The following SIPA1L2 variants were observed in gnomAD, a reference collection of about 807,000 sequenced individuals.
SIPA1L2 encodes the protein signal induced proliferation associated 1 like 2.
A neutral mutation model predicts 163.9 loss-of-function variants in SIPA1L2; 56 were observed. The observed-to-expected ratio is 0.34, with a 90% confidence interval of 0.28 to 0.43. The LOEUF (loss-of-function observed/expected upper bound fraction) is 0.43, where lower values mean the gene tolerates loss of function less well. Ranked by LOEUF, SIPA1L2 falls within the 20% of genes least tolerant of loss-of-function variation. The pLI is 1.00. For synonymous variants in SIPA1L2, 877 were observed against 865.7 expected, an observed-to-expected ratio of 1.01 and a Z score of -0.23; for missense variants, 1,974 against 2,193.5, an observed-to-expected ratio of 0.90 and a Z score of 2.00.
Position 232,585,030 on chromosome 1 carries a change from T to G in SIPA1L2, c.-318-10808A>C, listed in dbSNP as rs376312450. Among the ~76,000 whole-genome samples the G allele has an allele frequency of 5.9e-5, 9 of 152,316 alleles. 1 individual carries two copies. In the East Asian group the frequency reaches 1.5e-3, roughly 26 times the overall value. On this transcript the variant is annotated intron_variant, in intron 1 of 22. Coordinates refer to ENST00000674635, the MANE Select transcript of SIPA1L2 (RefSeq NM_020808.5). ...CCCCCATTACTTCACAGTGTTCAGA[T>G]TTAAACCATTATATATCTCCTCAAT...
chr1:232,532,857 T>A (rs1290098138), intron 2 of SIPA1L2, among the ~76,000 whole-genome samples: 1 of 152,196 alleles, frequency 6.6e-6, no homozygotes, highest in African/African-American at 2.4e-5. Context: ...ATGAGATGCC[T>A]ACCTCTACTG....
chr1:232,550,977 A>C (rs1368609481), intron 2 of SIPA1L2, among the ~76,000 whole-genome samples: 1 of 152,172 alleles, frequency 6.6e-6, no homozygotes, highest in African/African-American at 2.4e-5. Flanking sequence ...GTGAGGAGAC[A>C]GGTAAAGACC....
At chr1:232,474,401 T>C (rs1467104390) in intron 7 of SIPA1L2, among the ~76,000 whole-genome samples, 1 of 152,230 alleles carries the variant, frequency 6.6e-6, no homozygotes, top group Non-Finnish European at 1.5e-5. Flanking sequence ...CCCAATTCCA[T>C]GGCAAAAGCA....
At chr1:232,526,010 A>T (rs1167651149) in intron 2 of SIPA1L2, among the ~76,000 whole-genome samples, 1 of 152,206 alleles carries the variant, frequency 6.6e-6, no homozygotes, top group Non-Finnish European at 1.5e-5. Flanking sequence ...AGGAAGGCAA[A>T]TCAGGAAGTG....
At chr1:232,485,754 T>C (rs1178578153) in intron 5 of SIPA1L2, among the ~76,000 whole-genome samples, 2 of 152,192 alleles carry the variant, frequency 1.3e-5, no homozygotes, top group Non-Finnish European at 2.9e-5. Context: ...ACAACGATGT[T>C]AGTTGACTTC....
At chr1:232,594,491 A>T (rs1661142693) in intron 1 of SIPA1L2, among the ~76,000 whole-genome samples, 1 of 152,150 alleles carries the variant, frequency 6.6e-6, no homozygotes, top group African/African-American at 2.4e-5. Context: ...ATCATCACCC[A>T]CAGCCATCGC....
intron 1 of SIPA1L2, among the ~76,000 whole-genome samples, chr1:232,602,413 C>T (rs1661650301): frequency 6.6e-6 from 1 of 152,174 alleles, no homozygotes; most frequent in African/African-American, 2.4e-5. Context: ...CTCACTGCAA[C>T]CTCTGCCTCC....
chr1:232,573,729 G>T (rs1326077119), intron 2 of SIPA1L2, among the ~76,000 whole-genome samples: 1 of 152,094 alleles, frequency 6.6e-6, no homozygotes, highest in Non-Finnish European at 1.5e-5. Context: ...CCACTCCCTT[G>T]ATCACCTTCC....
At chr1:232,426,434 G>T (rs541381040) in intron 17 of SIPA1L2, among the ~76,000 whole-genome samples, 2 of 152,188 alleles carry the variant, frequency 1.3e-5, no homozygotes, top group East Asian at 3.9e-4. Context: ...GCAGAGGCTG[G>T]TGGATCACGA....
At chr1:232,626,228 TG>T (rs1188176529) in intron 1 of SIPA1L2, among the ~76,000 whole-genome samples, 3 of 100,834 alleles carry the variant, frequency 3.0e-5, no homozygotes, top group African/African-American at 1.2e-4. Context: ...CCCTAATATT[TG>T]CTTTTTTTTT....
intron 9 of SIPA1L2, 123 bp from the exon 10 acceptor site, chr1:232,461,284 T>C: frequency 4.1e-6 from 5 of 1,225,692 alleles, no homozygotes; most frequent in Non-Finnish European, 5.8e-6. Context: ...GCCCAGCCTG[T>C]CTCTCTCTGC....
intron 1 of SIPA1L2, among the ~76,000 whole-genome samples, chr1:232,595,669 G>A (rs1379732726): frequency 6.6e-6 from 1 of 152,168 alleles, no homozygotes; most frequent in African/African-American, 2.4e-5. Flanking sequence ...CATATGAACT[G>A]TCTAACTTTC....
chr1:232,572,030 A>G (rs1659760441), intron 2 of SIPA1L2, among the ~76,000 whole-genome samples: 1 of 152,206 alleles, frequency 6.6e-6, no homozygotes, highest in Admixed American at 6.5e-5. Context: ...CCAGAACTGC[A>G]CTCATCAGAT....
intron 14 of SIPA1L2, among the ~76,000 whole-genome samples, chr1:232,440,958 A>T (rs1325719166): frequency 6.6e-6 from 1 of 152,142 alleles, no homozygotes; most frequent in Non-Finnish European, 1.5e-5. Flanking sequence ...GACCACACAC[A>T]CCGATTAGCA....
intron 7 of SIPA1L2, among the ~76,000 whole-genome samples, chr1:232,478,890 T>G (rs766174342): frequency 1.6e-4 from 24 of 152,366 alleles, no homozygotes; most frequent in Non-Finnish European, 3.2e-4. Flanking sequence ...GCCTTAGCTA[T>G]CCCATAGATC....
At chr1:232,460,648 G>C (rs1664184643) in intron 10 of SIPA1L2, among the ~76,000 whole-genome samples, 1 of 152,182 alleles carries the variant, frequency 6.6e-6, no homozygotes, top group African/African-American at 2.4e-5. Context: ...TGTAGTCAAT[G>C]TTCCATTAAA....
At chr1:232,564,782 T>C (rs552636729) in intron 2 of SIPA1L2, among the ~76,000 whole-genome samples, 58 of 152,242 alleles carry the variant, frequency 3.8e-4, no homozygotes, top group Admixed American at 1.7e-3. Context: ...TACATATTAA[T>C]ATAGATGGGA....
At chr1:232,565,043 G>A (rs1442741523) in intron 2 of SIPA1L2, among the ~76,000 whole-genome samples, 1 of 152,168 alleles carries the variant, frequency 6.6e-6, no homozygotes, top group Non-Finnish European at 1.5e-5. Flanking sequence ...TTCTGTGCTT[G>A]TATCCCAGAA....
At chr1:232,589,519 C>A (rs1660857764) in intron 1 of SIPA1L2, among the ~76,000 whole-genome samples, 1 of 152,166 alleles carries the variant, frequency 6.6e-6, no homozygotes, top group Admixed American at 6.5e-5. Flanking sequence ...TTCTTTTTTC[C>A]AATCTCACTT....
Sources: allele counts gnomAD v4.1 joint callset (sites outside exome capture counted in the v4.1 genomes callset), GRCh38; gene constraint gnomAD v4.1.1; transcripts MANE v1.5; gene names NCBI Gene and HGNC (gene_info 2026-07-23, HGNC 2026-07-21).